Variants in PLA2G4E observed in about 807,000 individuals in gnomAD.
PLA2G4E encodes phospholipase A2 group IVE.
In PLA2G4E, 84 loss-of-function variants were observed where a neutral mutation model predicts 109.1. The observed-to-expected ratio is 0.77, with a 90% CI of 0.65 to 0.92. The LOEUF (loss-of-function observed/expected upper bound fraction) is 0.92. PLA2G4E is among the 40% of genes least tolerant of loss of function. The probability of loss-of-function intolerance (pLI) is 0.00; values close to 1 mark genes in which losing one functional copy is unlikely to be tolerated. For missense variants in PLA2G4E, 1,057 were observed against 1,076.6 expected, an observed-to-expected ratio of 0.98 and a Z score of 0.25; for synonymous variants, 469 against 436.1, an observed-to-expected ratio of 1.08 and a Z score of -0.94.
chr15:41,987,151 G>T lies in PLA2G4E; in HGVS notation c.2035+21C>A, dbSNP rs75677999. On this transcript the variant is annotated intron_variant, in intron 17 of 19. Transcript: ENST00000399518. Reference sequence around the variant, plus strand: ...TCCTCCATATGGAGGCAGGCCTCAAGGAGTAGCCAGGTAGGGTTACCTTTC... The same window carrying T: ...TCCTCCATATGGAGGCAGGCCTCAATGAGTAGCCAGGTAGGGTTACCTTTC... The T allele has an allele frequency of 1.4e-3, 2,210 of 1,601,368 alleles. 32 individuals carry two copies. In the African/African-American group the frequency reaches 0.026, roughly 19 times the overall value.
exon 20 of PLA2G4E, chr15:41,981,818 G>A (rs925759830): frequency 1.2e-4 from 18 of 152,420 alleles, no homozygotes; most frequent in Admixed American, 2.0e-4. Flanking sequence ...TGGTGTCCCA[G>A]GTTAGCATTA....
chr15:42,024,182 G>A (rs2068673470), intron 1 of PLA2G4E, among the ~76,000 whole-genome samples: 1 of 152,226 alleles, frequency 6.6e-6, no homozygotes, highest in Non-Finnish European at 1.5e-5. Flanking sequence ...GACTGGGACA[G>A]TGAGTAAGGA....
intron 10 of PLA2G4E, 88 bp from the exon 11 acceptor site, chr15:41,997,347 A>T: frequency 7.4e-7 from 1 of 1,355,480 alleles, no homozygotes; most frequent in Non-Finnish European, 9.7e-7. Flanking sequence ...ACCTAGGCTC[A>T]AAGCCTACTT....
At position 42,028,060 on chromosome 15, in the gene PLA2G4E, G is replaced by C. The variant is rs569444502; in HGVS notation, c.184-14303C>G. On this transcript the variant is annotated intron_variant, in intron 1 of 19. Coordinates refer to ENST00000399518, the Ensembl canonical transcript of PLA2G4E. ...CCTAATGCCCATCAGTAAAGGAATG[G>C]CTAAATTAGTTACGACACATTCACA... Among the ~76,000 whole-genome samples the C allele has an allele frequency of 4.6e-5, 7 of 152,346 alleles. No homozygotes were observed. In the South Asian group the frequency reaches 1.2e-3, roughly 27 times the overall value.
intron 2 of PLA2G4E, chr15:42,010,322 C>T (rs9919954): frequency 0.22 from 73,262 of 337,186 alleles, 8,616 homozygotes; most frequent in African/African-American, 0.3. Flanking sequence ...TAAAATTCTC[C>T]GATAAAGCCC....
At chr15:42,007,802 G>T in exon 3 of PLA2G4E, 2 of 1,611,702 alleles carry the variant, frequency 1.2e-6, no homozygotes, top group Non-Finnish European at 1.7e-6. Flanking sequence ...GATGGTCCTT[G>T]TCCTCAGCTT....
chr15:42,034,446 G>C (rs1336541847), intron 1 of PLA2G4E, among the ~76,000 whole-genome samples: 1 of 152,146 alleles, frequency 6.6e-6, no homozygotes, highest in Non-Finnish European at 1.5e-5. Flanking sequence ...TGGTATAGTG[G>C]ACACATGAAC....
At chr15:42,025,188 T>A (rs2068682704) in intron 1 of PLA2G4E, among the ~76,000 whole-genome samples, 2 of 138,638 alleles carry the variant, frequency 1.4e-5, no homozygotes. Context: ...AGAGTGAAAC[T>A]CTGTCTCAAA....
rs547590127 is a variant in PLA2G4E, at chr15:42,020,339, C to A, written c.184-6582G>T. On this transcript the variant is annotated intron_variant, in intron 1 of 19. Transcript: ENST00000399518. ...GCAGATTGAAGCATTGAGGTCATCT[C>A]CCTATTGCCTAGATGGGGAAACTGA... Among the ~76,000 whole-genome samples the A allele has an allele frequency of 5.3e-5, 8 of 152,322 alleles. No individual in the cohort carries two copies. The East Asian group carries it at 1.4e-3, about 26-fold the overall frequency.
intron 1 of PLA2G4E, among the ~76,000 whole-genome samples, chr15:42,021,353 G>T (rs899642187): frequency 6.6e-6 from 1 of 151,916 alleles, no homozygotes; most frequent in Non-Finnish European, 1.5e-5. Context: ...GGACTAGCCC[G>T]CCATAATTTG....
chr15:42,050,408 A>T lies in PLA2G4E; in HGVS notation c.183+113T>A, dbSNP rs557825670. On this transcript the variant is annotated intron_variant, in intron 1 of 19. Coordinates refer to ENST00000399518, the Ensembl canonical transcript of PLA2G4E. ...GACTCCTCCGGAGAGAAAGAAATGA[A>T]CAAAAACCACAACCTCTTAACTCTG... is the stretch of plus-strand genomic sequence containing the variant. 45 of 1,293,712 alleles carry T rather than the reference A, an allele frequency of 3.5e-5. No individual in the cohort carries two copies. In the East Asian group the frequency reaches 1.1e-3, roughly 31 times the overall value. The allele number at this position is 1,293,712 out of a possible 1,614,324, so 80.1% of individuals were successfully genotyped here. A position where few individuals can be genotyped will look rare whatever the true frequency, so the allele number is the denominator to read the frequency against.
intron 1 of PLA2G4E, among the ~76,000 whole-genome samples, chr15:42,024,072 A>G (rs530610785): frequency 3.3e-5 from 5 of 152,230 alleles, no homozygotes; most frequent in Admixed American, 3.3e-4. Flanking sequence ...AAATCTAGAA[A>G]GGGGAGGAAA....
intron 6 of PLA2G4E, 146 bp downstream of exon 6, chr15:42,002,508 C>T: frequency 2.3e-6 from 2 of 875,086 alleles, no homozygotes; most frequent in Non-Finnish European, 3.6e-6. Context: ...CCCCATTTGG[C>T]TGGCCTCGTT....
chr15:41,984,509 G>A (rs1295447729), exon 19 of PLA2G4E: 1 of 1,613,954 alleles, frequency 6.2e-7, no homozygotes. Context: ...CGGGTTCCTG[G>A]GGGTTCTCCA....
At chr15:42,001,093 C>G in intron 7 of PLA2G4E, 64 bp downstream of exon 7, 1 of 1,505,306 alleles carries the variant, frequency 6.6e-7, no homozygotes, top group Non-Finnish European at 9.2e-7. Flanking sequence ...GAGTCTGATG[C>G]TGATGGGATT....
At chr15:42,019,908 G>A (rs539404043) in intron 1 of PLA2G4E, among the ~76,000 whole-genome samples, 1 of 152,348 alleles carries the variant, frequency 6.6e-6, no homozygotes, top group South Asian at 2.1e-4. Flanking sequence ...GCTCTTAACT[G>A]CTTCACTGCC....
At chr15:41,999,216 G>A (rs8029052) in intron 10 of PLA2G4E, 119 of 251,924 alleles carry the variant, frequency 4.7e-4, no homozygotes, top group African/African-American at 2.5e-3. Flanking sequence ...CAACAAGAAT[G>A]TGAAAAGATA....
At chr15:42,042,610 C>CTT (rs1889334369) in intron 1 of PLA2G4E, among the ~76,000 whole-genome samples, 1 of 152,194 alleles carries the variant, frequency 6.6e-6, no homozygotes, top group South Asian at 2.1e-4. Context: ...TTAAAAGTAT[C>CTT]TTCTCCCATG....
chr15:42,027,251 A>G (rs940721544), intron 1 of PLA2G4E, among the ~76,000 whole-genome samples: 1 of 152,206 alleles, frequency 6.6e-6, no homozygotes, highest in Non-Finnish European at 1.5e-5. Flanking sequence ...GCTAGGGAAT[A>G]TATTCAAATA....
Sources: allele counts gnomAD v4.1 joint callset (sites outside exome capture counted in the v4.1 genomes callset), GRCh38; gene constraint gnomAD v4.1.1; transcripts MANE v1.5; gene names NCBI Gene and HGNC (gene_info 2026-07-23, HGNC 2026-07-21).